PKD2: variants seen among roughly 807,000 people sequenced by gnomAD.
PKD2 encodes polycystin-2.
In PKD2, 48 loss-of-function variants were observed where a neutral mutation model predicts 105.9. The observed-to-expected ratio is 0.45, with a 90% confidence interval of 0.36 to 0.58. The LOEUF (loss-of-function observed/expected upper bound fraction) is 0.58. Ranked by LOEUF, PKD2 falls within the 20% of genes least tolerant of loss-of-function variation. The pLI is 0.00. For synonymous variants in PKD2, 464 were observed against 481.1 expected (o/e 0.96, Z 0.46); for missense variants, 1,078 against 1,255.3 (o/e 0.86, Z 2.13).
chr4:88,033,407 A>G (rs1227264675), intron 2 of PKD2, among the ~76,000 whole-genome samples: 2 of 151,702 alleles, frequency 1.3e-5, no homozygotes, highest in African/African-American at 4.8e-5. Flanking sequence ...AGCCTTGGCC[A>G]TAGAGCCAGA....
chr4:88,059,737 A>ATACATATG (rs1553927216), intron 9 of PKD2, among the ~76,000 whole-genome samples: 20 of 143,788 alleles, frequency 1.4e-4, no homozygotes, highest in African/African-American at 4.5e-4. Flanking sequence ...GGATAGATAC[A>ATACATATG]TACATACGTA....
intron 3 of PKD2, 144 bp from the exon 4 acceptor site, chr4:88,038,107 A>C (rs1727406139): frequency 1.1e-6 from 1 of 914,934 alleles, no homozygotes; most frequent in Admixed American, 1.8e-5. Context: ...ATGCTATCCC[A>C]AATCTCTCTG....
At chr4:88,053,367 G>C (rs1163125870) in intron 7 of PKD2, among the ~76,000 whole-genome samples, 1 of 152,070 alleles carries the variant, frequency 6.6e-6, no homozygotes, top group East Asian at 1.9e-4. Context: ...TTTATCACAA[G>C]ACATAGACTT....
intron 8 of PKD2, 86 bp from the exon 9 acceptor site, chr4:88,057,897 A>C: frequency 9.1e-7 from 1 of 1,099,430 alleles, no homozygotes; most frequent in Non-Finnish European, 1.4e-6. Flanking sequence ...AGGTCCAAAA[A>C]TAATGAAATC....
chr4:88,068,128 ATC>A (rs1172783458), intron 13 of PKD2, 67 bp downstream of exon 13: 4 of 1,211,050 alleles, frequency 3.3e-6, no homozygotes, highest in African/African-American at 3.0e-5. Flanking sequence ...CAGTTCCCTC[ATC>A]TCTCTGAATT....
intron 1 of PKD2, among the ~76,000 whole-genome samples, chr4:88,015,072 A>G (rs572591255): frequency 3.0e-4 from 46 of 152,234 alleles, no homozygotes; most frequent in Non-Finnish European, 6.0e-4. Flanking sequence ...CATGTATTTC[A>G]GATGGGGAAG....
At chr4:88,014,162 G>C (rs552425530) in intron 1 of PKD2, among the ~76,000 whole-genome samples, 1 of 152,344 alleles carries the variant, frequency 6.6e-6, no homozygotes, top group South Asian at 2.1e-4. Context: ...GGAGGGATAA[G>C]AAGAGGGCCT....
Position 88,047,629 on chromosome 4 carries a change from T to G in PKD2, c.1548+759T>G, listed in dbSNP as rs146003710. Among the ~76,000 whole-genome samples the G allele has an allele frequency of 4.3e-4, 65 of 152,280 alleles. 1 individual carries two copies. The East Asian group carries it at 0.013, about 29-fold the overall frequency. On this transcript the variant is annotated intron_variant, in intron 6 of 14. Coordinates refer to ENST00000237596, the MANE Select transcript of PKD2 (RefSeq NM_000297.4). ...GCGGCAGAGAAAACTTTCTGCAGTT[T>G]AAAATTTTCTGCAAATAGTCTGCAG... is the stretch of plus-strand genomic sequence containing the variant.
At chr4:88,012,805 T>C (rs1172008500) in intron 1 of PKD2, among the ~76,000 whole-genome samples, 1 of 152,156 alleles carries the variant, frequency 6.6e-6, no homozygotes, top group African/African-American at 2.4e-5. Flanking sequence ...TGTAGCTACC[T>C]GATGTAAGTG....
intron 1 of PKD2, among the ~76,000 whole-genome samples, chr4:88,009,543 G>A (rs181959890): frequency 1.1e-3 from 171 of 152,050 alleles, no homozygotes; most frequent in Middle Eastern, 3.4e-3. Flanking sequence ...GACTCTTTGG[G>A]AGAATTAAGT....
intron 10 of PKD2, among the ~76,000 whole-genome samples, chr4:88,063,629 G>A (rs1177849618): frequency 6.6e-6 from 1 of 152,172 alleles, no homozygotes; most frequent in Non-Finnish European, 1.5e-5. Flanking sequence ...ACAGAGTAAT[G>A]GATTTATAGA....
At position 88,008,106 on chromosome 4, in the gene PKD2, T is replaced by C; in HGVS notation, c.373T>C (p.Ser125Pro). The change falls in exon 1 of 15, where the codon TCG becomes CCG. Residue 125 changes from serine to proline, a missense_variant. Physicochemically the swap from Ser to Pro is moderately conservative, Grantham distance 74. This residue lies in a region of PKD2 where 210 missense variants were observed against 187.9 expected (regional missense o/e 1.12). Coordinates refer to ENST00000237596, the MANE Select transcript of PKD2 (RefSeq NM_000297.4). Reference protein sequence around the residue: ...DVEWRPGSRRSAASSAVSSVG... With the variant: ...DVEWRPGSRRPAASSAVSSVG... The stretch of plus-strand genomic sequence containing the variant: ...AGAGTGGCGCCCGGGCAGCCGGAGG[T>C]CGGCCGCCTCCTCGGCCGTGAGCTC... 6.6e-7 allele frequency: 1 copy of C among 1,513,494 alleles called. No homozygotes were observed. The highest frequency in any genetic ancestry group is 8.8e-7 in the Non-Finnish European group (1 of 1,136,146). 93.8% of individuals were successfully genotyped at this position (1,513,494 alleles called of 1,614,324 possible).
At position 88,067,627 on chromosome 4, in the gene PKD2, G is replaced by A. The variant is rs541914172; in HGVS notation, c.2359-271G>A. On this transcript the variant is annotated intron_variant, in intron 12 of 14. Transcript: ENST00000237596. ...TTAGGATTACAGGTGTGACCACTAT[G>A]CCTGGCCCATATTTCTTCATTTAGT... 3.3e-5 allele frequency among the ~76,000 whole-genome samples: 5 copies of A among 152,274 alleles called. No individual in the cohort carries two copies. In the South Asian group the frequency reaches 1.0e-3, roughly 32 times the overall value.
intron 4 of PKD2, among the ~76,000 whole-genome samples, chr4:88,041,635 G>A (rs1281344604): frequency 2.0e-5 from 3 of 152,190 alleles, no homozygotes; most frequent in Non-Finnish European, 4.4e-5. Flanking sequence ...TGCCTGGGGT[G>A]TTCACTGGGT....
At chr4:88,043,569 G>A (rs911758116) in intron 5 of PKD2, 112 bp downstream of exon 5, 1 of 711,646 alleles carries the variant, frequency 1.4e-6, no homozygotes, top group African/African-American at 1.8e-5. Context: ...AGGATGCCAA[G>A]GACCCAGACG....
chr4:88,024,958 C>A (rs760958259), intron 2 of PKD2, among the ~76,000 whole-genome samples: 3 of 151,652 alleles, frequency 2.0e-5, no homozygotes, highest in Non-Finnish European at 1.5e-5. Flanking sequence ...GATGGTGAAA[C>A]CCCATCTCTA....
chr4:88,014,467 C>T (rs1185378724), intron 1 of PKD2, among the ~76,000 whole-genome samples: 1 of 133,560 alleles, frequency 7.5e-6, no homozygotes, highest in African/African-American at 2.9e-5. Context: ...GCCTGGGCAA[C>T]ATAGCAAGAC....
At chr4:88,051,778 T>C (rs949489353) in intron 6 of PKD2, among the ~76,000 whole-genome samples, 6 of 152,212 alleles carry the variant, frequency 3.9e-5, no homozygotes, top group Admixed American at 2.0e-4. Flanking sequence ...TATTCCGAAC[T>C]AAGGAAATGC....
rs62310566 is a variant in PKD2, at chr4:88,020,476, G to A, written c.709+905G>A. On this transcript the variant is annotated intron_variant, in intron 2 of 14. Transcript: ENST00000237596. ...TCTTCCCATCCTCTGGTAGGGGGAG[G>A]GGAGGGATGCCTGAGCGAGAGACTA... Among the ~76,000 whole-genome samples the A allele has an allele frequency of 8.9e-3, 1,358 of 152,088 alleles. 10 individuals carry two copies. Among genetic ancestry groups the A allele is most frequent in the Non-Finnish European group, 0.015 (1,012 of 67,984 alleles).
Sources: allele counts gnomAD v4.1 joint callset (sites outside exome capture counted in the v4.1 genomes callset), GRCh38; gene constraint gnomAD v4.1.1; regional missense constraint gnomAD v4.1.1; transcripts MANE v1.5; gene names NCBI Gene and HGNC (gene_info 2026-07-23, HGNC 2026-07-21).